The following NUFIP1 variants were observed in gnomAD, a reference collection of about 807,000 sequenced individuals.
NUFIP1 encodes nuclear FMR1 interacting protein 1.
In NUFIP1, 38 loss-of-function variants were observed where a neutral mutation model predicts 56.2. That is an observed-to-expected ratio of 0.68 (90% CI 0.52 to 0.89). The LOEUF is 0.89. Among genes scored for constraint, NUFIP1 ranks in the 40% least tolerant of loss-of-function variants. The pLI is 0.00. For synonymous variants in NUFIP1, 215 were observed against 212.4 expected (o/e 1.01, Z -0.10); for missense variants, 567 against 605.8 (o/e 0.94, Z 0.67).
At chr13:44,961,543 T>A (rs1871424598) in intron 6 of NUFIP1, among the ~76,000 whole-genome samples, 2 of 152,238 alleles carry the variant, frequency 1.3e-5, no homozygotes, top group African/African-American at 4.8e-5. Flanking sequence ...CAGAGATTTT[T>A]AATCCCTTTA....
At chr13:44,943,830 A>C (rs901047884) in intron 8 of NUFIP1, among the ~76,000 whole-genome samples, 156 bp from the exon 9 acceptor site, 1 of 152,204 alleles carries the variant, frequency 6.6e-6, no homozygotes, top group Non-Finnish European at 1.5e-5. Flanking sequence ...AGGCATTTAT[A>C]ATGTATTCTA....
At chr13:44,975,290 C>G (rs1282109536) in intron 5 of NUFIP1, among the ~76,000 whole-genome samples, 1 of 152,128 alleles carries the variant, frequency 6.6e-6, no homozygotes, top group Non-Finnish European at 1.5e-5. Flanking sequence ...GTCCAAGTCC[C>G]AATGCCTACT....
chr13:44,956,008 T>C (rs994559852), intron 7 of NUFIP1, among the ~76,000 whole-genome samples: 3 of 151,170 alleles, frequency 2.0e-5, no homozygotes, highest in Non-Finnish European at 2.9e-5. Flanking sequence ...CCGGGCGAGG[T>C]GGCGGGCGCC....
intron 5 of NUFIP1, among the ~76,000 whole-genome samples, chr13:44,977,018 C>T (rs1872005069): frequency 6.6e-6 from 1 of 152,218 alleles, no homozygotes; most frequent in African/African-American, 2.4e-5. Context: ...ACACTGGGGA[C>T]CAAGTTTCCA....
intron 5 of NUFIP1, among the ~76,000 whole-genome samples, chr13:44,968,751 G>A (rs1194423994): frequency 6.6e-6 from 1 of 152,202 alleles, no homozygotes; most frequent in Non-Finnish European, 1.5e-5. Context: ...CTCTTACCAT[G>A]TTGGGCTATA....
intron 7 of NUFIP1, among the ~76,000 whole-genome samples, chr13:44,958,726 T>A (rs1871324805): frequency 6.6e-6 from 1 of 152,228 alleles, no homozygotes; most frequent in Non-Finnish European, 1.5e-5. Context: ...ACAATGTTAC[T>A]GGAGAAAAAT....
At chr13:44,962,408 T>C (rs966103750) in intron 6 of NUFIP1, among the ~76,000 whole-genome samples, 1 of 152,240 alleles carries the variant, frequency 6.6e-6, no homozygotes, top group Non-Finnish European at 1.5e-5. Context: ...CTTATCTATT[T>C]ATCCTTGGAC....
At position 44,940,365 on chromosome 13, in the gene NUFIP1, G is replaced by A. The variant is rs1464535168; in HGVS notation, c.*841C>T. ...TCTTACCTTTCTTCCTTGACAGCAA[G>A]ATTCATGAACTTCAATAATCACAAT... On this transcript the variant is annotated 3_prime_UTR_variant, in exon 10 of 10. Coordinates refer to ENST00000379161, the MANE Select transcript of NUFIP1 (RefSeq NM_012345.3). 2 of 152,198 alleles carry A rather than the reference G, an allele frequency of 1.3e-5. No homozygotes were observed. Among genetic ancestry groups the A allele is most frequent in the Non-Finnish European group, 2.9e-5 (2 of 68,032 alleles). 9.4% of individuals were successfully genotyped at this position (152,198 alleles called of 1,614,324 possible).
rs1871476137 is a variant in NUFIP1, at chr13:44,963,023, T to C, written c.827+2821A>G. On this transcript the variant is annotated intron_variant, in intron 6 of 9. Transcript: ENST00000379161. ...TAACCCGTTTCTCAGAATGTATCCC[T>C]GTCATTAAGTGACACATTGTAATTT... 2.6e-5 allele frequency among the ~76,000 whole-genome samples: 4 copies of C among 152,212 alleles called. No homozygotes were observed. In the South Asian group the frequency reaches 8.3e-4, roughly 32 times the overall value.
At chr13:44,942,380 T>C (rs1319818795) in intron 9 of NUFIP1, among the ~76,000 whole-genome samples, 1 of 152,212 alleles carries the variant, frequency 6.6e-6, no homozygotes, top group African/African-American at 2.4e-5. Flanking sequence ...ATACAGAAAC[T>C]TTCAGTGGAA....
chr13:44,951,505 CAA>C (rs1237479615), intron 7 of NUFIP1, among the ~76,000 whole-genome samples: 1 of 152,210 alleles, frequency 6.6e-6, no homozygotes, highest in Non-Finnish European at 1.5e-5. Context: ...TTCCCACAGA[CAA>C]AGTCTTCTTA....
intron 5 of NUFIP1, among the ~76,000 whole-genome samples, chr13:44,974,739 C>T (rs965379206): frequency 5.9e-5 from 9 of 152,084 alleles, no homozygotes; most frequent in East Asian, 3.9e-4. Context: ...TTGTAGATAC[C>T]AAGGGTATCA....
chr13:44,953,250 C>T (rs1312367565), intron 7 of NUFIP1, among the ~76,000 whole-genome samples: 1 of 152,022 alleles, frequency 6.6e-6, no homozygotes, highest in Non-Finnish European at 1.5e-5. Flanking sequence ...ATGTTAAAAC[C>T]ATGGTAATTA....
In NUFIP1 at chr13:44,989,368, C is replaced by T. The variant is rs1872573508; in HGVS notation, c.69G>A (p.Thr23=). Residue 23 remains threonine, a synonymous_variant, in exon 1 of 10, where the codon ACG becomes ACA. Coordinates refer to ENST00000379161, the MANE Select transcript of NUFIP1 (RefSeq NM_012345.3). Reference sequence around the variant, plus strand: ...GGGCAGTGTCGCTCAGGGGCCCTAACGTGGGAGTCAGCTCGGGAGACGCAT... The same window carrying T: ...GGGCAGTGTCGCTCAGGGGCCCTAATGTGGGAGTCAGCTCGGGAGACGCAT... The part of the protein sequence containing the change: ...GWHASPELTP[T]LGPLSDTAPP... 6.2e-7 allele frequency: 1 copy of T among 1,613,442 alleles called. No homozygotes were observed.
chr13:44,956,780 C>T (rs1871259511), intron 7 of NUFIP1, among the ~76,000 whole-genome samples: 1 of 152,162 alleles, frequency 6.6e-6, no homozygotes, highest in Non-Finnish European at 1.5e-5. Context: ...GCCATGCTTG[C>T]TCGCTGCTCC....
intron 5 of NUFIP1, among the ~76,000 whole-genome samples, chr13:44,966,356 C>G (rs958845725): frequency 1.4e-4 from 22 of 151,912 alleles, no homozygotes; most frequent in African/African-American, 5.3e-4. Flanking sequence ...GTTCTGTCAC[C>G]CAGGCTGGAG....
chr13:44,947,457 T>C (rs1870938962), intron 8 of NUFIP1, among the ~76,000 whole-genome samples: 1 of 152,076 alleles, frequency 6.6e-6, no homozygotes, highest in Admixed American at 6.5e-5. Context: ...CAGACTGGTC[T>C]TGAACTCCTG....
intron 6 of NUFIP1, among the ~76,000 whole-genome samples, chr13:44,963,291 T>G (rs1427461896): frequency 6.6e-6 from 1 of 152,250 alleles, no homozygotes; most frequent in Non-Finnish European, 1.5e-5. Flanking sequence ...TCCTAGGCAT[T>G]TGATGCTATT....
At chr13:44,965,709 T>A (rs891203727) in intron 6 of NUFIP1, 135 bp downstream of exon 6, 1 of 346,244 alleles carries the variant, frequency 2.9e-6, no homozygotes, top group African/African-American at 2.2e-5. Flanking sequence ...AATAAATAAA[T>A]AAAAATAAAA....
Sources: allele counts gnomAD v4.1 joint callset (sites outside exome capture counted in the v4.1 genomes callset), GRCh38; gene constraint gnomAD v4.1.1; transcripts MANE v1.5; gene names NCBI Gene and HGNC (gene_info 2026-07-23, HGNC 2026-07-21).